Variants in MAP7D2 observed in about 807,000 individuals in gnomAD.
MAP7D2 encodes MAP7 domain containing 2.
In MAP7D2, 33 loss-of-function variants were observed where a neutral mutation model predicts 63.5. That is an observed-to-expected ratio of 0.52 (90% CI 0.39 to 0.70). The LOEUF is 0.70. Among genes scored for constraint, MAP7D2 ranks in the 30% least tolerant of loss-of-function variants. MAP7D2 has a pLI of 0.00. For missense variants in MAP7D2, 626 were observed against 604.0 expected (o/e 1.04, Z -0.38); for synonymous variants, 224 against 223.7 (o/e 1.00, Z -0.01).
At chrX:20,110,884 T>C (rs2066723136) in intron 1 of MAP7D2, among the ~76,000 whole-genome samples, 1 of 111,070 alleles carries the variant, frequency 9.0e-6, no homozygotes, top group Non-Finnish European at 1.9e-5. Flanking sequence ...AGTAGGTGCA[T>C]GCTGCCCTCA....
rs1021157227 is a variant in MAP7D2 at position 20,007,014 on chromosome X, G to C, written c.*1411C>G. Reference sequence around the variant, plus strand: ...AAATAAGGTTCCAGGAAAGATGAGAGGCATTTTCTGAAAGCCAGACCATGC... The same window carrying C: ...AAATAAGGTTCCAGGAAAGATGAGACGCATTTTCTGAAAGCCAGACCATGC... On this transcript the variant is annotated 3_prime_UTR_variant, in exon 17 of 17. Transcript: ENST00000379643. The C allele has an allele frequency of 1.2e-4, 13 of 112,096 alleles. No homozygotes were observed. The highest frequency in any genetic ancestry group is 4.2e-4 in the African/African-American group (13 of 30,816). 9.2% of individuals were successfully genotyped at this position (112,096 alleles called of 1,213,427 possible).
intron 9 of MAP7D2, 73 bp from the exon 10 acceptor site, chrX:20,025,156 C>T (rs904198383): frequency 1.8e-6 from 2 of 1,108,602 alleles, no homozygotes; most frequent in Admixed American, 5.5e-5. Flanking sequence ...CACACAGCAG[C>T]TGCCAGTTGG....
chrX:20,067,499 G>A (rs753002902), intron 1 of MAP7D2, among the ~76,000 whole-genome samples: 1 of 111,621 alleles, frequency 9.0e-6, no homozygotes, highest in Non-Finnish European at 1.9e-5. Context: ...AGGACAAAGT[G>A]CACTGCTCAG....
rs190264807 is a variant in MAP7D2 at position 20,065,717 on chromosome X, A to G, written c.131-912T>C. Among the ~76,000 whole-genome samples the G allele has an allele frequency of 2.7e-5, 3 of 111,934 alleles. No individual in the cohort carries two copies. The East Asian group carries it at 8.4e-4, about 31-fold the overall frequency. On this transcript the variant is annotated intron_variant, in intron 1 of 16. Coordinates refer to ENST00000379643, the MANE Select transcript of MAP7D2 (RefSeq NM_001168465.2). ...ATATCTACAACAAATAAGATGGAAC[A>G]AATGACAACTTCCCCGAAAATGTCT...
intron 1 of MAP7D2, among the ~76,000 whole-genome samples, chrX:20,102,777 TG>T (rs761033544): frequency 2.6e-4 from 13 of 49,488 alleles, no homozygotes; most frequent in African/African-American, 1.0e-3. Flanking sequence ...ATGGGCGGGG[TG>T]GGGGGGAGTC....
chrX:20,047,650 A>C (rs2064834662), intron 6 of MAP7D2, among the ~76,000 whole-genome samples: 2 of 55,198 alleles, frequency 3.6e-5, no homozygotes, highest in East Asian at 3.2e-4. Flanking sequence ...TATCTCTACA[A>C]AAAAAAAAAA....
In MAP7D2 at chrX:20,052,942, C is replaced by T. The variant is rs759331206; in HGVS notation, c.531G>A (p.Thr177=). The change falls in exon 5 of 17, where the codon ACG becomes ACA. Residue 177 remains threonine, a synonymous_variant. Coordinates refer to ENST00000379643, the MANE Select transcript of MAP7D2 (RefSeq NM_001168465.2). ...STSTMSLPKP[T]EPPMNKRLSS... ...ACAGGCGTTTATTCATGGGAGGCTC[C>T]GTTGGCTTTGGCAAACTCATAGTTG... 24 of 1,211,550 alleles carry T rather than the reference C, an allele frequency of 2.0e-5. No homozygotes were observed. Among genetic ancestry groups the T allele is most frequent in the South Asian group, 1.1e-4 (6 of 56,990 alleles).
intron 1 of MAP7D2, among the ~76,000 whole-genome samples, chrX:20,100,958 T>C (rs1342928263): frequency 9.4e-6 from 1 of 106,798 alleles, no homozygotes; most frequent in African/African-American, 3.4e-5. Context: ...GAGGCGGAGG[T>C]TGCGGTGAGC....
In MAP7D2 at chrX:20,024,837, C is replaced by A. The variant is rs1383646056; in HGVS notation, c.1412+114G>T. ...CCATGTAGTTCAGACATTCTAGGTTCCCATACTTCTGTTCAAGTTTTATCA... is the reference window on the plus strand; with the variant it reads ...CCATGTAGTTCAGACATTCTAGGTTACCATACTTCTGTTCAAGTTTTATCA... On this transcript the variant is annotated intron_variant, in intron 10 of 16. Coordinates refer to ENST00000379643, the MANE Select transcript of MAP7D2 (RefSeq NM_001168465.2). The A allele has an allele frequency of 3.7e-5, 30 of 819,648 alleles. No individual in the cohort carries two copies. In the East Asian group the frequency reaches 9.2e-4, roughly 25 times the overall value. 67.5% of individuals were successfully genotyped at this position (819,648 alleles called of 1,213,427 possible).
intron 11 of MAP7D2, among the ~76,000 whole-genome samples, 175 bp downstream of exon 11, chrX:20,015,919 T>C (rs1342290867): frequency 1.8e-5 from 2 of 112,346 alleles, no homozygotes; most frequent in African/African-American, 6.5e-5. Context: ...AACTCACAGA[T>C]GGCAAACATT....
chrX:20,048,945 A>ATATATGTATACG (rs1395224129), intron 6 of MAP7D2, among the ~76,000 whole-genome samples: 8 of 108,013 alleles, frequency 7.4e-5, no homozygotes, highest in African/African-American at 2.1e-4. Flanking sequence ...ATATATATAC[A>ATATATGTATACG]TATATGTATA....
At chrX:20,091,291 G>A (rs1165866045) in intron 1 of MAP7D2, among the ~76,000 whole-genome samples, 1 of 105,920 alleles carries the variant, frequency 9.4e-6, no homozygotes, top group Admixed American at 1.0e-4. Flanking sequence ...GACTTCAGGT[G>A]ATCCACCTGT....
At chrX:20,081,238 T>C (rs1033486941) in intron 1 of MAP7D2, among the ~76,000 whole-genome samples, 3 of 112,022 alleles carry the variant, frequency 2.7e-5, no homozygotes, top group African/African-American at 9.7e-5. Context: ...GTGATGTGTA[T>C]GTGTGTTTAA....
chrX:20,026,093 G>C (rs2073834757), intron 8 of MAP7D2, 141 bp from the exon 9 acceptor site: 4 of 648,231 alleles, frequency 6.2e-6, no homozygotes, highest in Middle Eastern at 5.2e-4. Flanking sequence ...ACACTCAAAA[G>C]TCACTAAAGT....
At chrX:20,057,898 G>A (rs373888005) in intron 3 of MAP7D2, among the ~76,000 whole-genome samples, 128 of 112,363 alleles carry the variant, frequency 1.1e-3, no homozygotes, top group African/African-American at 3.7e-3. Context: ...AACATATAAA[G>A]GTCACTTAAT....
In MAP7D2 at chrX:20,042,614, G is replaced by A. The variant is rs777778398; in HGVS notation, c.895C>T (p.Arg299Trp). ...GEASLVEKVK[R>W]GQRTATSLPV... is the part of the protein sequence containing the mutation. ...AGAGAAGTTGCTGTTCGTTGCCCCC[G>A]CTTCACCTTCTCCACCTGTAGGGGA... is the stretch of plus-strand genomic sequence containing the variant. The change falls in exon 8 of 17, where the codon CGG (arginine) becomes TGG (tryptophan). Residue 299 changes from arginine to tryptophan, a missense_variant. Physicochemically the swap from Arg to Trp is moderately radical, Grantham distance 101. Coordinates refer to ENST00000379643, the MANE Select transcript of MAP7D2 (RefSeq NM_001168465.2). 1.8e-5 allele frequency: 22 copies of A among 1,209,529 alleles called. No homozygotes were observed. In the South Asian group the frequency reaches 2.6e-4, roughly 15 times the overall value.
rs1407993908 is a variant in MAP7D2, at chrX:20,006,909, A to G, written c.*1516T>C. The G allele has an allele frequency of 8.9e-6, 1 of 112,528 alleles. No homozygotes were observed. Among genetic ancestry groups the G allele is most frequent in the African/African-American group, 3.2e-5 (1 of 30,978 alleles). 9.3% of individuals were successfully genotyped at this position (112,528 alleles called of 1,213,427 possible). A position where few individuals can be genotyped will look rare whatever the true frequency, so the allele number is the denominator to read the frequency against. The stretch of plus-strand genomic sequence containing the variant: ...GTATTTCACATTAAACACAAGGTAC[A>G]TATCATGCAAATGAGGCATCACCAT... On this transcript the variant is annotated 3_prime_UTR_variant, in exon 17 of 17. Transcript: ENST00000379643.
chrX:20,043,585 C>T (rs932240841), intron 7 of MAP7D2, among the ~76,000 whole-genome samples: 5 of 112,161 alleles, frequency 4.5e-5, no homozygotes, highest in African/African-American at 1.3e-4. Context: ...GATGATGCAG[C>T]CCTGGCCAAC....
At chrX:20,106,566 G>C (rs1318175401) in intron 1 of MAP7D2, among the ~76,000 whole-genome samples, 1 of 112,162 alleles carries the variant, frequency 8.9e-6, no homozygotes, top group Non-Finnish European at 1.9e-5. Flanking sequence ...CTCCCTGCGT[G>C]ATGGAAATGC....
Sources: allele counts gnomAD v4.1 joint callset (sites outside exome capture counted in the v4.1 genomes callset), GRCh38; gene constraint gnomAD v4.1.1; transcripts MANE v1.5; gene names NCBI Gene and HGNC (gene_info 2026-07-23, HGNC 2026-07-21).